PDE4D: variants seen among roughly 807,000 people sequenced by gnomAD.
The protein encoded by PDE4D is phosphodiesterase 4D.
In PDE4D, 24 loss-of-function variants were observed where a neutral mutation model predicts 87.4. That is an observed-to-expected ratio of 0.27 (90% CI 0.20 to 0.39). The LOEUF (loss-of-function observed/expected upper bound fraction) is 0.39. PDE4D is among the 10% of genes least tolerant of loss of function. The pLI, the probability that PDE4D is intolerant of heterozygous loss-of-function variation, is 1.00. For synonymous variants in PDE4D, 384 were observed against 383.2 expected (o/e 1.00, Z -0.02); for missense variants, 714 against 1,041.0 (o/e 0.69, Z 4.32).
chr5:58,993,122 A>C (rs1225655897), intron 7 of PDE4D, among the ~76,000 whole-genome samples: 1 of 152,182 alleles, frequency 6.6e-6, no homozygotes, highest in Non-Finnish European at 1.5e-5. Context: ...TACTATGAAA[A>C]AATGGCAATA....
intron 2 of PDE4D, among the ~76,000 whole-genome samples, chr5:60,083,031 T>C (rs555098759): frequency 6.6e-6 from 1 of 152,326 alleles, no homozygotes; most frequent in African/African-American, 2.4e-5. Context: ...CTCGTCTATT[T>C]ATTTTGCAGC....
At chr5:59,754,854 T>G (rs536794017) in intron 1 of PDE4D, among the ~76,000 whole-genome samples, 1 of 137,812 alleles carries the variant, frequency 7.3e-6, no homozygotes, top group African/African-American at 2.7e-5. Context: ...GGTAAGAACT[T>G]AATAATTACA....
chr5:59,684,161 T>C (rs1295174596), intron 1 of PDE4D, among the ~76,000 whole-genome samples: 2 of 152,204 alleles, frequency 1.3e-5, no homozygotes, highest in Non-Finnish European at 1.5e-5. Context: ...TGTCAAGTCC[T>C]GCTTTAAATC....
intron 1 of PDE4D, among the ~76,000 whole-genome samples, chr5:59,490,571 T>C (rs868704646): frequency 2.0e-5 from 3 of 152,216 alleles, no homozygotes; most frequent in Non-Finnish European, 2.9e-5. Flanking sequence ...TTCATACACA[T>C]AATGTAAACC....
chr5:59,010,233 A>G (rs1752501428), intron 6 of PDE4D, among the ~76,000 whole-genome samples: 1 of 152,154 alleles, frequency 6.6e-6, no homozygotes, highest in Admixed American at 6.5e-5. Context: ...AGGCTGAGGC[A>G]GGAGAATTGC....
At chr5:59,839,449 G>A (rs1169090457) in intron 1 of PDE4D, among the ~76,000 whole-genome samples, 1 of 151,670 alleles carries the variant, frequency 6.6e-6, no homozygotes, top group Non-Finnish European at 1.5e-5. Flanking sequence ...GTTTTTTGCT[G>A]TCATTTTTGT....
At chr5:59,011,859 C>T (rs1446033721) in intron 6 of PDE4D, among the ~76,000 whole-genome samples, 2 of 152,136 alleles carry the variant, frequency 1.3e-5, no homozygotes, top group East Asian at 3.9e-4. Context: ...TTGTCAGATT[C>T]ACCAAAGTTG....
At chr5:60,331,917 T>C (rs1236503576) in intron 1 of PDE4D, among the ~76,000 whole-genome samples, 3 of 152,230 alleles carry the variant, frequency 2.0e-5, no homozygotes, top group Non-Finnish European at 4.4e-5. Flanking sequence ...CTACTCATGT[T>C]CCTGCCTTTT....
intron 1 of PDE4D, among the ~76,000 whole-genome samples, chr5:60,190,436 G>C (rs567383963): frequency 1.3e-5 from 2 of 152,298 alleles, no homozygotes; most frequent in South Asian, 4.1e-4. Flanking sequence ...TCTTATTCCA[G>C]ATCTAAAGAT....
At chr5:60,402,645 C>A (rs1308693500) in intron 1 of PDE4D, among the ~76,000 whole-genome samples, 1 of 152,198 alleles carries the variant, frequency 6.6e-6, no homozygotes, top group East Asian at 1.9e-4. Context: ...ACAAGCCTTG[C>A]TGCATAAGGG....
At chr5:59,776,401 G>GTC (rs1183911892) in intron 1 of PDE4D, among the ~76,000 whole-genome samples, 1 of 152,148 alleles carries the variant, frequency 6.6e-6, no homozygotes, top group Non-Finnish European at 1.5e-5. Flanking sequence ...AGCCAATATA[G>GTC]TCTCTTCCAC....
chr5:59,082,318 C>T (rs1313101011), intron 5 of PDE4D, among the ~76,000 whole-genome samples: 1 of 152,112 alleles, frequency 6.6e-6, no homozygotes, highest in East Asian at 1.9e-4. Context: ...TCCACTATTA[C>T]TGAATGTTGC....
chr5:60,500,654 C>T (rs151070615), intron 1 of PDE4D, among the ~76,000 whole-genome samples: 2 of 152,314 alleles, frequency 1.3e-5, no homozygotes, highest in African/African-American at 4.8e-5. Flanking sequence ...TGTGAACATA[C>T]ATATGAAGTT....
rs1355152924 is a variant in PDE4D, at chr5:59,756,535, C to CACACACACACACACACAG, written c.455+136632_455+136633insCTGTGTGTGTGTGTGTGT. 5.9e-3 allele frequency among the ~76,000 whole-genome samples: 884 copies of CACACACACACACACACAG among 150,068 alleles called. 9 individuals carry two copies. The highest frequency in any genetic ancestry group is 0.021 in the African/African-American group (843 of 40,302). On this transcript the variant is annotated intron_variant, in intron 1 of 14. Transcript: ENST00000340635. ...ACACACACACACACACACACACACA[C>CACACACACACACACACAG]AGAGACACACACTGAGTCATGGTGA...
intron 1 of PDE4D, among the ~76,000 whole-genome samples, chr5:59,727,375 G>A (rs1365704023): frequency 2.0e-5 from 3 of 152,002 alleles, no homozygotes; most frequent in African/African-American, 7.2e-5. Flanking sequence ...CCAGCAATAC[G>A]CCTCAGGGAA....
At chr5:60,228,364 A>G (rs1164974273) in intron 1 of PDE4D, among the ~76,000 whole-genome samples, 3 of 152,122 alleles carry the variant, frequency 2.0e-5, no homozygotes, top group African/African-American at 2.4e-5. Flanking sequence ...ACTAATAGGA[A>G]CTAGGTCTAA....
At chr5:59,742,042 A>T (rs1758916243) in intron 1 of PDE4D, among the ~76,000 whole-genome samples, 1 of 151,938 alleles carries the variant, frequency 6.6e-6, no homozygotes, top group South Asian at 2.1e-4. Context: ...TATCATCATC[A>T]TCATCATCAT....
intron 1 of PDE4D, among the ~76,000 whole-genome samples, chr5:59,585,104 T>C (rs535577481): frequency 6.6e-6 from 1 of 152,250 alleles, no homozygotes; most frequent in South Asian, 2.1e-4. Flanking sequence ...CACCCAAGCA[T>C]TCTAGAGACT....
chr5:59,296,825 T>TA (rs766482619), intron 1 of PDE4D, among the ~76,000 whole-genome samples: 26 of 151,946 alleles, frequency 1.7e-4, no homozygotes, highest in Non-Finnish European at 2.9e-4. Context: ...AAAGCAAGGT[T>TA]AAACTCGCAA....
Sources: gnomAD v4.1 joint callset for allele counts (sites outside exome capture counted in the v4.1 genomes callset) on GRCh38, gnomAD v4.1.1 for gene constraint, MANE v1.5 for transcripts, NCBI Gene and HGNC (gene_info 2026-07-23, HGNC 2026-07-21) for gene names.